NFIA: variants seen among roughly 807,000 people sequenced by gnomAD.
NFIA encodes the protein nuclear factor 1 A-type.
NFIA carries 8 observed loss-of-function variants against 62.8 expected under a neutral mutation model. The ratio of observed to expected loss-of-function variants is 0.13; its 90% CI spans 0.07 to 0.23. The LOEUF (loss-of-function observed/expected upper bound fraction) is 0.23. NFIA is among the 10% of genes least tolerant of loss of function. The pLI, the probability that NFIA is intolerant of heterozygous loss-of-function variation, is 1.00. For missense variants in NFIA, 410 were observed against 642.1 expected, an observed-to-expected ratio of 0.64 and a Z score of 3.91; for synonymous variants, 235 against 238.1, an observed-to-expected ratio of 0.99 and a Z score of 0.12.
chr1:61,334,073 A>G (rs972832359), intron 4 of NFIA, among the ~76,000 whole-genome samples: 3 of 152,166 alleles, frequency 2.0e-5, no homozygotes, highest in African/African-American at 4.8e-5. Context: ...CAGTATCCGT[A>G]CTCTTAGACT....
chr1:61,210,684 G>A (rs1427074884), intron 2 of NFIA, among the ~76,000 whole-genome samples: 1 of 152,142 alleles, frequency 6.6e-6, no homozygotes, highest in Non-Finnish European at 1.5e-5. Flanking sequence ...ATATGACATT[G>A]GGAAGTGTGC....
upstream of NFIA, among the ~76,000 whole-genome samples, chr1:61,080,497 A>G (rs1312906206): frequency 6.6e-6 from 1 of 152,172 alleles, no homozygotes; most frequent in Non-Finnish European, 1.5e-5. Flanking sequence ...CCTCAGTTAC[A>G]TGTTGGGACC....
At chr1:61,270,430 T>A (rs1038618851) in intron 2 of NFIA, among the ~76,000 whole-genome samples, 2 of 152,340 alleles carry the variant, frequency 1.3e-5, no homozygotes, top group East Asian at 1.9e-4. Context: ...AGGTGCTACC[T>A]GGACTTAAAT....
intron 3 of NFIA, among the ~76,000 whole-genome samples, chr1:61,330,436 A>AG (rs1661233480): frequency 4.7e-5 from 3 of 63,480 alleles, no homozygotes; most frequent in African/African-American, 1.5e-4. Context: ...AAATAGATAC[A>AG]CCCCCCCCAC....
intron 6 of NFIA, among the ~76,000 whole-genome samples, chr1:61,360,608 A>G (rs12090125): frequency 0.01 from 1,571 of 152,286 alleles, 25 homozygotes; most frequent in African/African-American, 0.036. Context: ...CTCTTCATCT[A>G]TAAATCCTAG....
intron 2 of NFIA, among the ~76,000 whole-genome samples, chr1:61,172,615 C>T (rs1196854728): frequency 6.6e-6 from 1 of 152,188 alleles, no homozygotes; most frequent in Non-Finnish European, 1.5e-5. Context: ...GCCCCAAGCC[C>T]TGTGTTCTAG....
intron 4 of NFIA, among the ~76,000 whole-genome samples, chr1:61,337,649 A>G (rs550274764): frequency 6.6e-6 from 1 of 152,338 alleles, no homozygotes; most frequent in Non-Finnish European, 1.5e-5. Context: ...GACAAGAACC[A>G]TCTGTTGAAA....
chr1:61,318,390 C>T (rs565810410), intron 3 of NFIA, among the ~76,000 whole-genome samples: 103 of 152,258 alleles, frequency 6.8e-4, no homozygotes, highest in African/African-American at 2.3e-3. Flanking sequence ...TAGCAAAACA[C>T]TCACTTCAAC....
intron 2 of NFIA, among the ~76,000 whole-genome samples, chr1:61,135,980 G>A (rs1570239157): frequency 6.6e-6 from 1 of 151,940 alleles, no homozygotes; most frequent in South Asian, 2.1e-4. Context: ...CTCCGCTTAC[G>A]CTCGCATACA....
At chr1:61,338,344 G>C (rs1661726341) in intron 4 of NFIA, among the ~76,000 whole-genome samples, 1 of 152,232 alleles carries the variant, frequency 6.6e-6, no homozygotes, top group Non-Finnish European at 1.5e-5. Context: ...TTTGTCAATG[G>C]AGAGTGGGAG....
chr1:61,130,958 C>A (rs2100489554), intron 2 of NFIA, among the ~76,000 whole-genome samples: 1 of 152,260 alleles, frequency 6.6e-6, no homozygotes, highest in African/African-American at 2.4e-5. Context: ...TTCCTCAAGG[C>A]ACAAAAGGTA....
At chr1:61,295,487 T>C (rs1184896998) in intron 3 of NFIA, among the ~76,000 whole-genome samples, 1 of 152,194 alleles carries the variant, frequency 6.6e-6, no homozygotes, top group Non-Finnish European at 1.5e-5. Flanking sequence ...GTACATTGGA[T>C]AATTCTTTCG....
intron 7 of NFIA, among the ~76,000 whole-genome samples, chr1:61,392,197 A>G (rs1665016651): frequency 6.6e-6 from 1 of 152,064 alleles, no homozygotes; most frequent in African/African-American, 2.4e-5. Flanking sequence ...GTTGCAGGAC[A>G]CTAAAGAAAA....
chr1:61,227,343 A>AAAC (rs1654396391), intron 2 of NFIA, among the ~76,000 whole-genome samples: 1 of 150,036 alleles, frequency 6.7e-6, no homozygotes, highest in Non-Finnish European at 1.5e-5. Flanking sequence ...GAGCTGTTTC[A>AAAC]TAATTTATCA....
At chr1:61,334,061 G>A (rs1239268958) in intron 4 of NFIA, among the ~76,000 whole-genome samples, 1 of 152,136 alleles carries the variant, frequency 6.6e-6, no homozygotes, top group Non-Finnish European at 1.5e-5. Context: ...TCTCTATAAT[G>A]CCAGTATCCG....
At chr1:61,238,886 G>A (rs546628824) in intron 2 of NFIA, among the ~76,000 whole-genome samples, 4 of 152,100 alleles carry the variant, frequency 2.6e-5, no homozygotes, top group African/African-American at 7.2e-5. Context: ...TTATTCCCAC[G>A]ATAGCCTTTG....
At position 61,082,772 on chromosome 1, in the gene NFIA, T is replaced by A; in HGVS notation, c.-20T>A. On this transcript the variant is annotated 5_prime_UTR_variant, in exon 1 of 11. Transcript: ENST00000403491. ...AACCGCACACCCAGACGCACACGCATACCCCAGCGCCCGGCAGTTATGTAT... is the reference window on the plus strand; with the variant it reads ...AACCGCACACCCAGACGCACACGCAAACCCCAGCGCCCGGCAGTTATGTAT... 1.3e-6 allele frequency: 2 copies of A among 1,542,158 alleles called. No homozygotes were observed. The highest frequency in any genetic ancestry group is 1.2e-5 in the South Asian group (1 of 83,858).
At chr1:61,368,744 T>G (rs1378071818) in intron 6 of NFIA, among the ~76,000 whole-genome samples, 1 of 152,236 alleles carries the variant, frequency 6.6e-6, no homozygotes, top group Non-Finnish European at 1.5e-5. Context: ...CTGTATATCC[T>G]TTTTAGGGGG....
At chr1:61,338,972 C>T (rs1055937171) in intron 4 of NFIA, among the ~76,000 whole-genome samples, 15 of 152,080 alleles carry the variant, frequency 9.9e-5, no homozygotes, top group Admixed American at 8.5e-4. Context: ...TGGGCTCGAG[C>T]ATTAAAGGAA....
Sources: allele counts gnomAD v4.1 joint callset (sites outside exome capture counted in the v4.1 genomes callset), GRCh38; gene constraint gnomAD v4.1.1; transcripts MANE v1.5; gene names NCBI Gene and HGNC (gene_info 2026-07-23, HGNC 2026-07-21).